Variants in SEC23B observed in about 807,000 individuals in gnomAD.
SEC23B encodes protein transport protein Sec23B.
SEC23B carries 77 observed loss-of-function variants against 104.3 expected under a neutral mutation model. That is an observed-to-expected ratio of 0.74 (90% CI 0.61 to 0.89). SEC23B has a LOEUF of 0.89. SEC23B is among the 40% of genes least tolerant of loss of function. The pLI, the probability that SEC23B is intolerant of heterozygous loss-of-function variation, is 0.00. For synonymous variants in SEC23B, 338 were observed against 332.5 expected, an observed-to-expected ratio of 1.02 and a Z score of -0.18; for missense variants, 885 against 949.4, an observed-to-expected ratio of 0.93 and a Z score of 0.89.
intron 4 of SEC23B, chr20:18,515,966 T>C (rs369800287): frequency 2.0e-4 from 102 of 511,210 alleles, no homozygotes; most frequent in South Asian, 1.3e-3. Context: ...CTGTTCTCTG[T>C]AGCCTTCTTC....
intron 14 of SEC23B, among the ~76,000 whole-genome samples, chr20:18,544,896 AAGTC>A (rs200955135): frequency 0.023 from 3,467 of 152,330 alleles, 64 homozygotes; most frequent in African/African-American, 0.033. Flanking sequence ...AAAAACCAAA[AAGTC>A]AGCACTGAAT....
rs2059987802 is a variant in SEC23B, at chr20:18,512,251, G to C, written c.248G>C (p.Trp83Ser). 6.3e-7 allele frequency: 1 copy of C among 1,592,258 alleles called. No individual in the cohort carries two copies. The highest frequency in any genetic ancestry group is 8.6e-7 in the Non-Finnish European group (1 of 1,163,340). Residue 83 changes from tryptophan to serine, a missense_variant, in exon 3 of 20, where the codon TGG becomes TCG. Trp to Ser is a radical substitution (Grantham distance 177, BLOSUM62 -3). Coordinates refer to ENST00000650089, the MANE Select transcript of SEC23B (RefSeq NM_006363.6). ...LCQVDYRAKL[W>S]ACNFCFQRNQ... is the part of the protein sequence containing the mutation. ...CAGGTTGATTATCGAGCAAAACTTT[G>C]GGCCTGTAATTTCTGTTTTCAAAGA...
rs1222913192 is a variant in SEC23B at position 18,546,015 on chromosome 20, C to T, written c.1725C>T (p.Ser575=). The change falls in exon 15 of 20, where the codon TCC becomes TCT. Residue 575 remains serine (S), a synonymous_variant. Transcript: ENST00000650089. ...EDPTSFRLSD[S]FSLYPQFMFH... ...CCACTTCTTTTAGGTTATCAGATTC[C>T]TTTTCTCTATATCCTCAGGTAAGTA... The T allele has an allele frequency of 6.4e-7, 1 of 1,562,314 alleles. No homozygotes were observed. The highest frequency in any genetic ancestry group is 8.8e-7 in the Non-Finnish European group (1 of 1,133,040).
At chr20:18,525,194 C>A (rs1486805400) in intron 6 of SEC23B, among the ~76,000 whole-genome samples, 174 bp downstream of exon 6, 2 of 152,224 alleles carry the variant, frequency 1.3e-5, no homozygotes, top group Non-Finnish European at 2.9e-5. Flanking sequence ...GACCACTGTG[C>A]TCAATTGCTG....
intron 19 of SEC23B, among the ~76,000 whole-genome samples, chr20:18,556,041 A>C (rs1490593514): frequency 6.6e-6 from 1 of 151,912 alleles, no homozygotes; most frequent in African/African-American, 2.4e-5. Flanking sequence ...CATGCAACCT[A>C]GATCCCTCAC....
intron 12 of SEC23B, among the ~76,000 whole-genome samples, chr20:18,540,737 TC>T (rs1213180742): frequency 6.6e-6 from 1 of 152,124 alleles, no homozygotes; most frequent in African/African-American, 2.4e-5. Context: ...ACGCCTGTAG[TC>T]CCAACTACCT....
chr20:18,537,744 A>AT (rs1216994448), intron 12 of SEC23B, among the ~76,000 whole-genome samples: 1 of 152,054 alleles, frequency 6.6e-6, no homozygotes, highest in East Asian at 1.9e-4. Flanking sequence ...AATAATAATA[A>AT]AAAATAAATA....
At position 18,535,689 on chromosome 20, in the gene SEC23B, T is replaced by G. The variant is rs753972890; in HGVS notation, c.1351T>G (p.Cys451Gly). The change falls in exon 12 of 20, where the codon TGT becomes GGT. Residue 451 changes from cysteine to glycine, a missense_variant. Cys to Gly is a radical substitution (Grantham distance 159). Coordinates refer to ENST00000650089, the MANE Select transcript of SEC23B (RefSeq NM_006363.6). ...TGGTGGCACGAGTCAGTGGAAAATC[T>G]GTGGCCTAGATCCTACATCTACACT... ...GVGGTSQWKI[C>G]GLDPTSTLGI... The G allele has an allele frequency of 6.2e-7, 1 of 1,613,762 alleles. No individual in the cohort carries two copies. Among genetic ancestry groups the G allele is most frequent in the Non-Finnish European group, 8.5e-7 (1 of 1,179,882 alleles).
Position 18,555,096 on chromosome 20 carries a change from T to C in SEC23B, c.2149-12T>C, listed in dbSNP as rs752145108. 3 of 1,611,138 alleles carry C rather than the reference T, an allele frequency of 1.9e-6. No individual in the cohort carries two copies. The African/African-American group carries it at 4.0e-5, about 22-fold the overall frequency. On this transcript the variant is annotated splice_polypyrimidine_tract_variant and intron_variant, in intron 18 of 19. Coordinates refer to ENST00000650089, the MANE Select transcript of SEC23B (RefSeq NM_006363.6). ...TAATCTTTAAATCTTTTTGTTGTTGTTGTTGTTAAAGGCTCGATTCCTTTT... is the reference window on the plus strand; with the variant it reads ...TAATCTTTAAATCTTTTTGTTGTTGCTGTTGTTAAAGGCTCGATTCCTTTT...
chr20:18,549,412 G>A (rs1272698457), intron 16 of SEC23B, among the ~76,000 whole-genome samples: 2 of 151,984 alleles, frequency 1.3e-5, no homozygotes, highest in African/African-American at 4.8e-5. Context: ...AGGGAATAAT[G>A]ACAAGAAAAC....
intron 14 of SEC23B, 21 bp from the exon 15 acceptor site, chr20:18,545,935 T>G (rs1396049817): frequency 7.2e-7 from 1 of 1,382,654 alleles, no homozygotes; most frequent in African/African-American, 1.4e-5. Flanking sequence ...TTGTTTGTTT[T>G]TTGGTATTTT....
chr20:18,532,514 T>G, intron 10 of SEC23B, 150 bp from the exon 11 acceptor site: 1 of 703,060 alleles, frequency 1.4e-6, no homozygotes. Context: ...AGGAAAAGTT[T>G]GTAGGACTAA....
At chr20:18,508,717 T>TTTTA (rs1491345270) in intron 1 of SEC23B, among the ~76,000 whole-genome samples, 1 of 5,752 alleles carries the variant, frequency 1.7e-4, no homozygotes, top group Admixed American at 4.3e-3. Flanking sequence ...CAGTAGCTTC[T>TTTTA]TTTTTTTTTT....
intron 10 of SEC23B, among the ~76,000 whole-genome samples, chr20:18,532,277 A>T (rs886999914): frequency 1.3e-5 from 2 of 152,250 alleles, no homozygotes; most frequent in African/African-American, 4.8e-5. Context: ...TTTTAAAGCA[A>T]CACAAAACAG....
chr20:18,550,331 G>C, intron 16 of SEC23B, among the ~76,000 whole-genome samples: 1 of 151,714 alleles, frequency 6.6e-6, no homozygotes, highest in Admixed American at 6.6e-5. Context: ...AATTTTTTGT[G>C]TTTTTGGTAG....
At position 18,553,806 on chromosome 20, in the gene SEC23B, G is replaced by A. The variant is rs1285551575; in HGVS notation, c.1993-429G>A. Among the ~76,000 whole-genome samples, 4 of 152,248 alleles carry A rather than the reference G, an allele frequency of 2.6e-5. No individual in the cohort carries two copies. In the East Asian group the frequency reaches 7.7e-4, roughly 29 times the overall value. On this transcript the variant is annotated intron_variant, in intron 17 of 19. Transcript: ENST00000650089. ...TATGACTACTGCTCACCAGAGGAGT[G>A]TAATATGTGTGCCGTTAGGAAAGGA...
chr20:18,515,212 TA>T (rs1207495426), intron 3 of SEC23B, among the ~76,000 whole-genome samples: 1 of 150,888 alleles, frequency 6.6e-6, no homozygotes, highest in Non-Finnish European at 1.5e-5. Flanking sequence ...AGAAATGATA[TA>T]AATATAAGGC....
rs923042224 is a variant in SEC23B at position 18,521,602 on chromosome 20, G to A, written c.367-2831G>A. On this transcript the variant is annotated intron_variant, in intron 4 of 19. Coordinates refer to ENST00000650089, the MANE Select transcript of SEC23B (RefSeq NM_006363.6). ...GTGGAACGAAATGGTAAGCCAGGCCGGGTGTGAGGAGGGGAGGTGATAGAA... is the reference window on the plus strand; with the variant it reads ...GTGGAACGAAATGGTAAGCCAGGCCAGGTGTGAGGAGGGGAGGTGATAGAA... Among the ~76,000 whole-genome samples the A allele has an allele frequency of 5.3e-5, 8 of 152,172 alleles. 1 individual carries two copies. Among genetic ancestry groups the A allele is most frequent in the Admixed American group, 4.6e-4 (7 of 15,278 alleles).
intron 1 of SEC23B, chr20:18,508,337 T>C (rs2059949939): frequency 6.6e-6 from 1 of 152,202 alleles, no homozygotes; most frequent in Non-Finnish European, 1.5e-5. Flanking sequence ...TCACTTATTC[T>C]TACATACACA....
Sources: gnomAD v4.1 joint callset for allele counts (sites outside exome capture counted in the v4.1 genomes callset) on GRCh38, gnomAD v4.1.1 for gene constraint, MANE v1.5 for transcripts, NCBI Gene and HGNC (gene_info 2026-07-23, HGNC 2026-07-21) for gene names.